The following DTNB variants were observed in gnomAD, a reference collection of about 807,000 sequenced individuals.
DTNB encodes the protein DTN-B.
Under a neutral mutation model 90.7 loss-of-function variants are expected in DTNB, and 63 were observed. The observed-to-expected ratio is 0.69, with a 90% CI of 0.57 to 0.86. The LOEUF (loss-of-function observed/expected upper bound fraction) is 0.86, where lower values mean the gene tolerates loss of function less well. DTNB is among the 40% of genes least tolerant of loss of function. The pLI is 0.00. For synonymous variants in DTNB, 277 were observed against 286.7 expected (o/e 0.97, Z 0.34); for missense variants, 744 against 807.1 (o/e 0.92, Z 0.95).
chr2:25,593,378 C>T (rs2063926143), intron 6 of DTNB, among the ~76,000 whole-genome samples: 1 of 152,142 alleles, frequency 6.6e-6, no homozygotes, highest in Admixed American at 6.5e-5. Context: ...ATGAGAAAAG[C>T]CCATTTTCAA....
chr2:25,463,941 C>T (rs1027005529), intron 10 of DTNB, among the ~76,000 whole-genome samples: 4 of 152,162 alleles, frequency 2.6e-5, no homozygotes, highest in African/African-American at 9.7e-5. Flanking sequence ...GGCTCTGTTG[C>T]CCAGGCTGCA....
rs371862378 is a variant in DTNB at position 25,649,611 on chromosome 2, C to G, written c.67+2983G>C. Among the ~76,000 whole-genome samples the G allele has an allele frequency of 5.3e-5, 8 of 152,202 alleles. No individual in the cohort carries two copies. In the East Asian group the frequency reaches 9.7e-4, roughly 18 times the overall value. On this transcript the variant is annotated intron_variant, in intron 2 of 20. Transcript: ENST00000406818. Reference sequence around the variant, plus strand: ...GCACACGCCTGTAGTCCCAGATACTCAGAAGGCTGAGGCGGGAGGATCAAT... The same window carrying G: ...GCACACGCCTGTAGTCCCAGATACTGAGAAGGCTGAGGCGGGAGGATCAAT...
chr2:25,509,023 A>G (rs796316280), intron 9 of DTNB, among the ~76,000 whole-genome samples: 17 of 152,346 alleles, frequency 1.1e-4, no homozygotes, highest in African/African-American at 4.1e-4. Flanking sequence ...ATGTCCTGCA[A>G]TACTGCTAAC....
At chr2:25,637,285 G>A (rs1392400259) in intron 3 of DTNB, among the ~76,000 whole-genome samples, 1 of 152,104 alleles carries the variant, frequency 6.6e-6, no homozygotes, top group Non-Finnish European at 1.5e-5. Context: ...TACCATTCAG[G>A]ACACAGGCAT....
intron 12 of DTNB, among the ~76,000 whole-genome samples, chr2:25,442,370 C>T (rs2150055693): frequency 6.6e-6 from 1 of 152,278 alleles, no homozygotes; most frequent in South Asian, 2.1e-4. Flanking sequence ...TCAAACTTGG[C>T]CATGCACTCC....
At chr2:25,531,237 T>C (rs925531013) in intron 9 of DTNB, among the ~76,000 whole-genome samples, 4 of 152,226 alleles carry the variant, frequency 2.6e-5, no homozygotes, top group Non-Finnish European at 5.9e-5. Flanking sequence ...AATGGGCTCA[T>C]GTTTCTGGAG....
intron 6 of DTNB, among the ~76,000 whole-genome samples, chr2:25,593,024 C>G (rs2063845473): frequency 6.6e-6 from 1 of 151,952 alleles, no homozygotes; most frequent in South Asian, 2.1e-4. Flanking sequence ...TTCTGTCCAT[C>G]GATCATGTGA....
In DTNB at chr2:25,542,563, C is replaced by T. The variant is rs144310771; in HGVS notation, c.877-10966G>A. On this transcript the variant is annotated intron_variant, in intron 8 of 20. Coordinates refer to ENST00000406818, the MANE Select transcript of DTNB (RefSeq NM_021907.5). Reference sequence around the variant, plus strand: ...TGAAACTGGGCATGCTCATTACTTCCTACAGAATCTGGGAAATTTTGTATA... The same window carrying T: ...TGAAACTGGGCATGCTCATTACTTCTTACAGAATCTGGGAAATTTTGTATA... Among the ~76,000 whole-genome samples, 189 of 152,236 alleles carry T rather than the reference C, an allele frequency of 1.2e-3. 5 individuals are homozygous for T. The East Asian group carries it at 0.017, about 13-fold the overall frequency.
intron 9 of DTNB, among the ~76,000 whole-genome samples, chr2:25,512,168 A>G (rs192442703): frequency 1.3e-5 from 2 of 152,310 alleles, no homozygotes; most frequent in African/African-American, 4.8e-5. Context: ...TTCCAGGATT[A>G]TTTCTGGTAG....
intron 9 of DTNB, among the ~76,000 whole-genome samples, chr2:25,491,602 G>C (rs1201504732): frequency 1.3e-5 from 2 of 152,042 alleles, no homozygotes; most frequent in African/African-American, 4.8e-5. Flanking sequence ...ATATTTGGTG[G>C]ATATATTTGT....
intron 12 of DTNB, among the ~76,000 whole-genome samples, chr2:25,438,699 A>T (rs1574467954): frequency 6.6e-6 from 1 of 152,212 alleles, no homozygotes; most frequent in Admixed American, 6.5e-5. Flanking sequence ...CCATTCCTTA[A>T]GAGAAGCCTG....
chr2:25,466,882 G>A (rs1446845097), intron 10 of DTNB, among the ~76,000 whole-genome samples: 1 of 152,196 alleles, frequency 6.6e-6, no homozygotes, highest in African/African-American at 2.4e-5. Context: ...TGGCGACCAT[G>A]TTTCAAAGTG....
chr2:25,516,171 A>G (rs2075076724), intron 9 of DTNB, among the ~76,000 whole-genome samples: 2 of 152,168 alleles, frequency 1.3e-5, no homozygotes, highest in African/African-American at 4.8e-5. Flanking sequence ...ATGACAATAT[A>G]CCAAGTGCTG....
chr2:25,673,549 C>T lies in DTNB; in HGVS notation c.-165G>A, dbSNP rs2086629880. 6.7e-6 allele frequency: 1 copy of T among 148,304 alleles called. No homozygotes were observed. The highest frequency in any genetic ancestry group is 6.7e-5 in the Admixed American group (1 of 14,938). 9.2% of individuals were successfully genotyped at this position (148,304 alleles called of 1,614,324 possible). On this transcript the variant is annotated 5_prime_UTR_variant, in exon 1 of 21. Coordinates refer to ENST00000406818, the MANE Select transcript of DTNB (RefSeq NM_021907.5). ...CGTTCGCAGCGCCCGGCTCGCGCCG[C>T]TTCTCCGCCCGGCACGCGCAGCGCC...
chr2:25,392,280 C>T (rs1003659432), intron 16 of DTNB, among the ~76,000 whole-genome samples: 17 of 151,892 alleles, frequency 1.1e-4, no homozygotes, highest in Admixed American at 6.6e-4. Flanking sequence ...TGTGGTGGCA[C>T]GCACCTGTAA....
intron 9 of DTNB, among the ~76,000 whole-genome samples, chr2:25,484,811 C>G (rs79386975): frequency 0.053 from 8,014 of 152,286 alleles, 308 homozygotes; most frequent in Non-Finnish European, 0.076. Context: ...TACCTGTCTT[C>G]AGACAGATAT....
At chr2:25,560,785 T>C (rs2058139406) in intron 8 of DTNB, among the ~76,000 whole-genome samples, 1 of 152,210 alleles carries the variant, frequency 6.6e-6, no homozygotes, top group South Asian at 2.1e-4. Context: ...GATACTTTCC[T>C]AGAGCTTGCA....
chr2:25,635,087 A>G (rs952665423), intron 3 of DTNB, among the ~76,000 whole-genome samples: 1 of 151,484 alleles, frequency 6.6e-6, no homozygotes, highest in South Asian at 2.1e-4. Flanking sequence ...AAGAAAAAAA[A>G]AAAAAGAAAT....
At chr2:25,575,111 C>T (rs2060457246) in intron 8 of DTNB, among the ~76,000 whole-genome samples, 1 of 151,954 alleles carries the variant, frequency 6.6e-6, no homozygotes, top group African/African-American at 2.4e-5. Flanking sequence ...ATAAGAAGTT[C>T]CCAATTCTCT....
Sources: gnomAD v4.1 joint callset for allele counts (sites outside exome capture counted in the v4.1 genomes callset) on GRCh38, gnomAD v4.1.1 for gene constraint, MANE v1.5 for transcripts, NCBI Gene and HGNC (gene_info 2026-07-23, HGNC 2026-07-21) for gene names.